The following TRIO variants were observed in gnomAD, a reference collection of about 807,000 sequenced individuals.
TRIO encodes the protein triple functional domain protein.
TRIO carries 58 observed loss-of-function variants against 351.9 expected under a neutral mutation model. The observed-to-expected ratio is 0.16, with a 90% CI of 0.13 to 0.21. The LOEUF (loss-of-function observed/expected upper bound fraction) is 0.21, where lower values mean the gene tolerates loss of function less well. TRIO is among the 10% of genes least tolerant of loss of function. The probability of loss-of-function intolerance (pLI) is 1.00; values close to 1 mark genes in which losing one functional copy is unlikely to be tolerated. For synonymous variants in TRIO, 1,758 were observed against 1,595.7 expected, an observed-to-expected ratio of 1.10 and a Z score of -2.42; for missense variants, 3,201 against 4,027.8, an observed-to-expected ratio of 0.79 and a Z score of 5.56.
At chr5:14,299,635 G>C (rs1737683781) in intron 7 of TRIO, among the ~76,000 whole-genome samples, 1 of 152,192 alleles carries the variant, frequency 6.6e-6, no homozygotes, top group Admixed American at 6.5e-5. Context: ...GGTCAACGTT[G>C]TTCCCTCATT....
At chr5:14,184,657 C>T (rs1789997231) in intron 1 of TRIO, among the ~76,000 whole-genome samples, 1 of 152,262 alleles carries the variant, frequency 6.6e-6, no homozygotes, top group Middle Eastern at 3.4e-3. Context: ...TTTAAATGCT[C>T]CTGATACAAA....
At chr5:14,426,209 G>A (rs897356453) in intron 34 of TRIO, among the ~76,000 whole-genome samples, 6 of 143,626 alleles carry the variant, frequency 4.2e-5, no homozygotes, top group East Asian at 4.5e-4. Context: ...AAGACCTTTC[G>A]TCTCATAGAC....
intron 3 of TRIO, among the ~76,000 whole-genome samples, chr5:14,283,763 T>C (rs773703): frequency 1.3e-5 from 2 of 151,494 alleles, no homozygotes; most frequent in Admixed American, 6.6e-5. Flanking sequence ...CTTTTTTTTT[T>C]AAACAAACAA....
At chr5:14,436,813 C>T (rs1307715865) in intron 34 of TRIO, among the ~76,000 whole-genome samples, 1 of 152,164 alleles carries the variant, frequency 6.6e-6, no homozygotes, top group African/African-American at 2.4e-5. Flanking sequence ...AGGTGGGTTC[C>T]CATGGTCTTG....
intron 3 of TRIO, among the ~76,000 whole-genome samples, chr5:14,281,784 A>T (rs1441440661): frequency 6.6e-6 from 1 of 152,090 alleles, no homozygotes; most frequent in Non-Finnish European, 1.5e-5. Context: ...CTAAATGAGG[A>T]TGTGTGAGAG....
At chr5:14,381,943 ATAC>A (rs1746143383) in intron 21 of TRIO, among the ~76,000 whole-genome samples, 1 of 152,252 alleles carries the variant, frequency 6.6e-6, no homozygotes, top group Admixed American at 6.5e-5. Flanking sequence ...ATTAAGGCTT[ATAC>A]CTGCAGAGGC....
At chr5:14,449,640 A>G (rs1474986356) in intron 34 of TRIO, among the ~76,000 whole-genome samples, 2 of 152,230 alleles carry the variant, frequency 1.3e-5, no homozygotes, top group Non-Finnish European at 2.9e-5. Context: ...GCCTCAGGCC[A>G]GCCAGGTCCT....
chr5:14,376,922 A>G (rs1745613346), intron 19 of TRIO, among the ~76,000 whole-genome samples: 1 of 152,206 alleles, frequency 6.6e-6, no homozygotes, highest in Non-Finnish European at 1.5e-5. Flanking sequence ...GCAGTGAAAG[A>G]TGGTCTCATT....
chr5:14,507,344 G>A, intron 56 of TRIO, 84 bp downstream of exon 56: 1 of 1,563,592 alleles, frequency 6.4e-7, no homozygotes. Context: ...CTGAAGCCAG[G>A]CCAGGAGCCC....
At chr5:14,387,201 T>G (rs1746619982) in intron 21 of TRIO, 2 of 452,232 alleles carry the variant, frequency 4.4e-6, no homozygotes, top group Non-Finnish European at 7.8e-6. Flanking sequence ...TGAAAAATAG[T>G]CTAAGTTTAT....
chr5:14,187,142 C>A (rs76146865), intron 1 of TRIO, among the ~76,000 whole-genome samples: 1 of 152,138 alleles, frequency 6.6e-6, no homozygotes, highest in African/African-American at 2.4e-5. Context: ...AATGTCGGTT[C>A]TGGTCTCTCT....
chr5:14,322,490 GC>G (rs1290002731), intron 9 of TRIO, among the ~76,000 whole-genome samples: 1 of 152,216 alleles, frequency 6.6e-6, no homozygotes, highest in Non-Finnish European at 1.5e-5. Flanking sequence ...GTTGGCATAT[GC>G]CTAAGAGGCA....
rs1746643808 is a variant in TRIO, at chr5:14,387,478, A to T, written c.3611A>T (p.Asp1204Val). 1 of 1,613,694 alleles carries T rather than the reference A, an allele frequency of 6.2e-7. No homozygotes were observed. The highest frequency in any genetic ancestry group is 1.7e-5 in the Admixed American group (1 of 59,948). ...GTGAAGCTATTGATACAGCTGGCTG[A>T]TGGCTTTTGTGAAAAAGGGCATGCC... The part of the protein sequence containing the change: ...ERVKLLIQLA[D>V]GFCEKGHAHA... Residue 1204 changes from aspartate to valine, a missense_variant, in exon 22 of 57, where the codon GAT (aspartate) becomes GTT (valine). By Grantham distance (152) the Asp-to-Val change is radical. This residue lies in a region of TRIO where 201 missense variants were observed against 266.5 expected (regional missense o/e 0.75). Coordinates refer to ENST00000344204, the MANE Select transcript of TRIO (RefSeq NM_007118.4).
chr5:14,404,091 T>C (rs1748497592), intron 31 of TRIO, among the ~76,000 whole-genome samples: 1 of 151,134 alleles, frequency 6.6e-6, no homozygotes, highest in Non-Finnish European at 1.5e-5. Flanking sequence ...GTTGTGGTGG[T>C]GAGGGTGTAG....
In TRIO at chr5:14,331,116, C is replaced by T. The variant is rs141004098; in HGVS notation, c.1854+216C>T. ...TTTCTAAAATACGATGTTCTTGGAA[C>T]AGAAATGTGACTTGGGTGTTTTTGT... On this transcript the variant is annotated intron_variant, in intron 10 of 56. Coordinates refer to ENST00000344204, the MANE Select transcript of TRIO (RefSeq NM_007118.4). Among the ~76,000 whole-genome samples, 637 of 152,350 alleles carry T rather than the reference C, an allele frequency of 4.2e-3. 4 individuals are homozygous for T. Among genetic ancestry groups the T allele is most frequent in the Non-Finnish European group, 5.7e-3 (390 of 68,038 alleles).
At chr5:14,503,894 G>A (rs1179977057) in intron 54 of TRIO, among the ~76,000 whole-genome samples, 1 of 152,242 alleles carries the variant, frequency 6.6e-6, no homozygotes, top group Non-Finnish European at 1.5e-5. Flanking sequence ...GTTGTGGCCA[G>A]TCCCCAGGAG....
chr5:14,373,918 CCT>C (rs546495555), intron 18 of TRIO, among the ~76,000 whole-genome samples: 20 of 152,308 alleles, frequency 1.3e-4, no homozygotes, highest in African/African-American at 4.6e-4. Flanking sequence ...GGTGTGCAAA[CCT>C]CTCTAGACTG....
intron 36 of TRIO, 41 bp downstream of exon 36, chr5:14,462,966 C>A (rs755607799): frequency 8.5e-6 from 13 of 1,520,976 alleles, no homozygotes; most frequent in Non-Finnish European, 1.1e-5. Context: ...GCCTGCCGTG[C>A]AGGGGCAGGG....
At chr5:14,385,691 G>C (rs1194963231) in intron 21 of TRIO, among the ~76,000 whole-genome samples, 1 of 152,124 alleles carries the variant, frequency 6.6e-6, no homozygotes, top group Non-Finnish European at 1.5e-5. Flanking sequence ...TTTATCTTTG[G>C]AATTTTGAAT....
Sources: allele counts gnomAD v4.1 joint callset (sites outside exome capture counted in the v4.1 genomes callset), GRCh38; gene constraint gnomAD v4.1.1; regional missense constraint gnomAD v4.1.1; transcripts MANE v1.5; gene names NCBI Gene and HGNC (gene_info 2026-07-23, HGNC 2026-07-21).